Variants in CCDC187 observed in about 807,000 individuals in gnomAD.
The protein encoded by CCDC187 is coiled-coil domain-containing protein 187.
A neutral mutation model predicts 38.0 loss-of-function variants in CCDC187; 32 were observed. The ratio of observed to expected loss-of-function variants is 0.84; its 90% CI spans 0.64 to 1.13. The LOEUF is 1.13. CCDC187 is among the 50% of genes most tolerant of loss of function. The pLI, the probability that CCDC187 is intolerant of heterozygous loss-of-function variation, is 0.00. For synonymous variants in CCDC187, 333 were observed against 347.9 expected (o/e 0.96, Z 0.48); for missense variants, 707 against 786.8 (o/e 0.90, Z 1.21).
chr9:136,268,674 GA>G (rs141311747), intron 14 of CCDC187, among the ~76,000 whole-genome samples: 16,366 of 152,180 alleles, frequency 0.11, 1,218 homozygotes, highest in Admixed American at 0.2. Context: ...TGCAACAACT[GA>G]AAAAATCACG....
intron 14 of CCDC187, among the ~76,000 whole-genome samples, chr9:136,269,813 G>A (rs533400215): frequency 1.3e-5 from 2 of 152,300 alleles, no homozygotes; most frequent in Admixed American, 6.5e-5. Context: ...GTGGGTGTGA[G>A]AATTGGCAGA....
At position 136,291,110 on chromosome 9, in the gene CCDC187, C is replaced by T. The variant is rs910478256; in HGVS notation, c.1503G>A (p.Pro501=). Residue 501 remains proline, a synonymous_variant, in exon 6 of 26, where the codon CCG becomes CCA. Coordinates refer to ENST00000638797, the MANE Select transcript of CCDC187 (RefSeq NM_001378188.1). ...WSALAGQACS[P]QRAWGAQRQG... is the part of the protein sequence containing the mutation. ...GTCTTTGGGCCCCCCAGGCCCTCTG[C>T]GGACTGCAGGCCTGCCCAGCCAGTG... is the stretch of plus-strand genomic sequence containing the variant. The T allele has an allele frequency of 1.8e-4, 73 of 398,552 alleles. No homozygotes were observed. Among genetic ancestry groups the T allele is most frequent in the African/African-American group, 1.4e-3 (66 of 48,706 alleles). 24.7% of individuals were successfully genotyped at this position (398,552 alleles called of 1,614,324 possible).
rs892017860 is a variant in CCDC187 at position 136,286,286 on chromosome 9, G to A, written c.2632C>T (p.Pro878Ser). 13 of 398,550 alleles carry A rather than the reference G, an allele frequency of 3.3e-5. No individual in the cohort carries two copies. Among genetic ancestry groups the A allele is most frequent in the Non-Finnish European group, 4.9e-5 (11 of 226,114 alleles). 24.7% of individuals were successfully genotyped at this position (398,550 alleles called of 1,614,324 possible). Residue 878 changes from proline to serine, a missense_variant, in exon 8 of 26, where the codon CCC (proline) becomes TCC (serine). Transcript: ENST00000638797. ...GGGCAGGCTGGGGTGGCAAGCGTGG[G>A]GGTGGCGAGCGTGGGGGCGGCAGGT... ...SLPAAPTLAT[P>S]TLATPACPGA...
At chr9:136,275,109 G>A (rs1830907440) in intron 12 of CCDC187, 102 bp from the exon 13 acceptor site, 1 of 152,294 alleles carries the variant, frequency 6.6e-6, no homozygotes, top group Admixed American at 6.5e-5. Flanking sequence ...CCAAGGAGGA[G>A]CCTGAAGCTG....
chr9:136,274,068 C>T (rs1197367025), intron 14 of CCDC187, among the ~76,000 whole-genome samples: 2 of 152,218 alleles, frequency 1.3e-5, no homozygotes, highest in African/African-American at 4.8e-5. Context: ...CAGGGAAAGC[C>T]GCTCAAAGGA....
chr9:136,277,115 G>A (rs1347625108), intron 10 of CCDC187, among the ~76,000 whole-genome samples: 12 of 151,840 alleles, frequency 7.9e-5, no homozygotes, highest in African/African-American at 2.7e-4. Context: ...AGACAGACCG[G>A]GTCTGTCATG....
chr9:136,251,095 G>A lies in CCDC187; in HGVS notation c.*2499C>T, dbSNP rs1554759335. ...TGAAGTGGAGGAGGCCTGAGGCCCT[G>A]GACAGGAGAAGCCACATCCTGGAAG... On this transcript the variant is annotated 3_prime_UTR_variant, in exon 26 of 26. Coordinates refer to ENST00000638797, the MANE Select transcript of CCDC187 (RefSeq NM_001378188.1). 1 of 450,054 alleles carries A rather than the reference G, an allele frequency of 2.2e-6. No homozygotes were observed. The highest frequency in any genetic ancestry group is 4.5e-6 in the Non-Finnish European group (1 of 221,772). The allele number at this position is 450,054 out of a possible 1,614,324, so 27.9% of individuals were successfully genotyped here.
intron 14 of CCDC187, among the ~76,000 whole-genome samples, chr9:136,270,973 T>C (rs538558506): frequency 8.5e-5 from 13 of 152,366 alleles, no homozygotes; most frequent in African/African-American, 3.1e-4. Context: ...TAATTGTCCA[T>C]GATCATCTCT....
chr9:136,293,296 CAA>C (rs1831398304), intron 4 of CCDC187, among the ~76,000 whole-genome samples: 1 of 151,354 alleles, frequency 6.6e-6, no homozygotes, highest in Non-Finnish European at 1.5e-5. Context: ...CACACACTCA[CAA>C]ACACATGTTC....
intron 4 of CCDC187, among the ~76,000 whole-genome samples, chr9:136,293,360 T>C (rs1191349120): frequency 0.36 from 31,305 of 86,136 alleles, 4,329 homozygotes; most frequent in East Asian, 0.49. Context: ...CTCACACACA[T>C]TCACATGCTC....
chr9:136,291,637 C>A lies in CCDC187; in HGVS notation c.976G>T (p.Glu326Ter). 2.5e-6 allele frequency: 1 copy of A among 398,788 alleles called. No individual in the cohort carries two copies. Among genetic ancestry groups the A allele is most frequent in the Non-Finnish European group, 4.4e-6 (1 of 226,146 alleles). 24.7% of individuals were successfully genotyped at this position (398,788 alleles called of 1,614,324 possible). A position where few individuals can be genotyped will look rare whatever the true frequency, so the allele number is the denominator to read the frequency against. Residue 326 changes from glutamate (E) to a stop codon, truncating the protein, a stop_gained, in exon 6 of 26, where the codon GAG (glutamate) becomes TAG (stop). Coordinates refer to ENST00000638797, the MANE Select transcript of CCDC187 (RefSeq NM_001378188.1). LOFTEE classifies it high-confidence loss of function. Reference protein sequence around the residue: ...PALTVDLGDSEKVIAAKCSPV... With the variant: ...PALTVDLGDS ...GAGCACTTGGCAGCTATGACTTTCT[C>A]GCTGTCTCCTGCAAAGACAGGAGTG...
chr9:136,250,366 C>T lies in CCDC187; in HGVS notation c.*3228G>A. 1 of 201,354 alleles carries T rather than the reference C, an allele frequency of 5.0e-6. No homozygotes were observed. Among genetic ancestry groups the T allele is most frequent in the Non-Finnish European group, 1.0e-5 (1 of 96,604 alleles). The allele number at this position is 201,354 out of a possible 1,614,324, so 12.5% of individuals were successfully genotyped here. On this transcript the variant is annotated 3_prime_UTR_variant, in exon 26 of 26. Transcript: ENST00000638797. ...TGGTTCCAGCTGTGACTGCAGCCGC[C>T]ACCGCATTGCGCCGCACGTCAGCAC...
intron 9 of CCDC187, among the ~76,000 whole-genome samples, chr9:136,282,369 CAA>C (rs1435913058): frequency 6.6e-6 from 1 of 152,160 alleles, no homozygotes; most frequent in African/African-American, 2.4e-5. Context: ...CAGAGGTGGC[CAA>C]GTGGTGAGGG....
At position 136,271,875 on chromosome 9, in the gene CCDC187, G is replaced by A. The variant is rs1424141049; in HGVS notation, c.3442+2783C>T. 3.9e-5 allele frequency among the ~76,000 whole-genome samples: 6 copies of A among 152,132 alleles called. No individual in the cohort carries two copies. In the East Asian group the frequency reaches 9.6e-4, roughly 24 times the overall value. Reference sequence around the variant, plus strand: ...ACCTGCCTGGGCCTCCCACAGTGCTGGGATTCCAGGTGTGAGCCACCACGC... The same window carrying A: ...ACCTGCCTGGGCCTCCCACAGTGCTAGGATTCCAGGTGTGAGCCACCACGC... On this transcript the variant is annotated intron_variant, in intron 14 of 25. Coordinates refer to ENST00000638797, the MANE Select transcript of CCDC187 (RefSeq NM_001378188.1).
At chr9:136,298,786 G>T (rs1168384923) in intron 3 of CCDC187, among the ~76,000 whole-genome samples, 1 of 152,248 alleles carries the variant, frequency 6.6e-6, no homozygotes, top group Non-Finnish European at 1.5e-5. Flanking sequence ...AGGTGCCAGG[G>T]GCTGGGGGAG....
chr9:136,255,013 A>C lies in CCDC187; in HGVS notation c.4815T>G (p.Pro1605=), dbSNP rs1308109185. Residue 1605 remains proline (P), a synonymous_variant, in exon 26 of 26, where the codon CCT becomes CCG. Coordinates refer to ENST00000638797, the MANE Select transcript of CCDC187 (RefSeq NM_001378188.1). ...GGGATGACACCGTGGCTTCTTCCGA[A>C]GGCCCCCAGCAGGTTCCAGAAGCAG... is the stretch of plus-strand genomic sequence containing the variant. ...SESASGTCWG[P]SEEATVSSHT... 6 of 985,350 alleles carry C rather than the reference A, an allele frequency of 6.1e-6. No homozygotes were observed. Among genetic ancestry groups the C allele is most frequent in the Non-Finnish European group, 1.2e-6 (1 of 829,970 alleles). The allele number at this position is 985,350 out of a possible 1,614,324, so 61.0% of individuals were successfully genotyped here.
At chr9:136,299,210 G>A (rs1831611463) in intron 3 of CCDC187, among the ~76,000 whole-genome samples, 1 of 152,176 alleles carries the variant, frequency 6.6e-6, no homozygotes, top group African/African-American at 2.4e-5. Flanking sequence ...GTGGGGTCAG[G>A]GAGATGGCTC....
intron 15 of CCDC187, 146 bp downstream of exon 15, chr9:136,267,903 G>A (rs1830776111): frequency 5.1e-6 from 5 of 985,578 alleles, no homozygotes; most frequent in African/African-American, 1.7e-5. Context: ...CTGGAAGAGC[G>A]GGTGACGCGA....
chr9:136,289,565 A>G (rs1831263368), intron 7 of CCDC187, among the ~76,000 whole-genome samples: 1 of 150,416 alleles, frequency 6.6e-6, no homozygotes, highest in Non-Finnish European at 1.5e-5. Context: ...CCGTCGAGGC[A>G]GAAAGGAGAC....
Sources: allele counts gnomAD v4.1 joint callset (sites outside exome capture counted in the v4.1 genomes callset), GRCh38; gene constraint gnomAD v4.1.1; transcripts MANE v1.5; gene names NCBI Gene and HGNC (gene_info 2026-07-23, HGNC 2026-07-21).